Variants in FNTB observed in about 807,000 individuals in gnomAD.
The protein encoded by FNTB is protein farnesyltransferase subunit beta.
A neutral mutation model predicts 59.4 loss-of-function variants in FNTB; 27 were observed. The ratio of observed to expected loss-of-function variants is 0.45; its 90% confidence interval spans 0.34 to 0.63. FNTB has a LOEUF of 0.63. Ranked by LOEUF, FNTB falls within the 20% of genes least tolerant of loss-of-function variation. The pLI, the probability that FNTB is intolerant of heterozygous loss-of-function variation, is 0.02. For synonymous variants in FNTB, 230 were observed against 220.7 expected, an observed-to-expected ratio of 1.04 and a Z score of -0.37; for missense variants, 449 against 559.6, an observed-to-expected ratio of 0.80 and a Z score of 1.99.
chr14:65,002,453 A>G (rs1246782346), intron 1 of FNTB, among the ~76,000 whole-genome samples: 1 of 152,054 alleles, frequency 6.6e-6, no homozygotes, highest in Non-Finnish European at 1.5e-5. Flanking sequence ...TACTAAAACT[A>G]CAAAAATTAG....
chr14:65,012,780 TC>T lies in FNTB; in HGVS notation c.282+392del, dbSNP rs2061704548. 6.6e-6 allele frequency among the ~76,000 whole-genome samples: 1 copy of T among 152,244 alleles called. No individual in the cohort carries two copies. The highest frequency in any genetic ancestry group is 2.1e-4 in the South Asian group (1 of 4,828). The stretch of plus-strand genomic sequence containing the variant: ...AGGACTATTGTCCAAACCTGTTAAG[TC>T]TGTATCGTGATGGTTACAAATTTTC... On this transcript the variant is annotated intron_variant, in intron 3 of 11. Coordinates refer to ENST00000246166, the MANE Select transcript of FNTB (RefSeq NM_002028.4). This position sits in a 1 kb window ranked among gnomAD's most constrained non-coding sequence, Gnocchi z 5.0.
In FNTB at chr14:65,014,100, C is replaced by T. The variant is rs544762292; in HGVS notation, c.283-1525C>T. Among the ~76,000 whole-genome samples the T allele has an allele frequency of 7.2e-5, 11 of 152,246 alleles. No homozygotes were observed. Among genetic ancestry groups the T allele is most frequent in the Middle Eastern group, 3.4e-3 (1 of 294 alleles). On this transcript the variant is annotated intron_variant, in intron 3 of 11. Coordinates refer to ENST00000246166, the MANE Select transcript of FNTB (RefSeq NM_002028.4). The surrounding 1 kb of genome is among the most constrained non-coding windows in gnomAD (Gnocchi z 5.1). ...TTTTGAAGAGAGCAGCTTGGGCCAACGGAAAGAACACTGGATTGACTCTAA... is the reference window on the plus strand; with the variant it reads ...TTTTGAAGAGAGCAGCTTGGGCCAATGGAAAGAACACTGGATTGACTCTAA...
chr14:64,987,822 GTA>G (rs1263407099), intron 1 of FNTB, among the ~76,000 whole-genome samples: 8 of 152,324 alleles, frequency 5.3e-5, no homozygotes, highest in African/African-American at 1.7e-4. Flanking sequence ...TGGCGAATGA[GTA>G]TATATTCATA....
At chr14:65,060,697 C>CAAAAAAAAAAA (rs59036615) in intron 11 of FNTB, among the ~76,000 whole-genome samples, 3 of 48,600 alleles carry the variant, frequency 6.2e-5, no homozygotes, top group East Asian at 5.1e-4. Flanking sequence ...GACTCCGTCT[C>CAAAAAAAAAAA]AAAAAAAAAA....
chr14:64,992,297 TATA>T (rs1239690854), intron 1 of FNTB, among the ~76,000 whole-genome samples: 1 of 152,202 alleles, frequency 6.6e-6, no homozygotes, highest in East Asian at 1.9e-4. Flanking sequence ...TACTTTTAGG[TATA>T]TAAGTGAAAA....
chr14:65,040,259 G>GTATATATATGTATATATATGTGTGTATA (rs1281038446), intron 7 of FNTB, among the ~76,000 whole-genome samples: 3 of 144,986 alleles, frequency 2.1e-5, no homozygotes, highest in Non-Finnish European at 3.0e-5. Flanking sequence ...ATATATATAT[G>GTATATATATGTATATATATGTGTGTATA]TATATATATG....
At chr14:65,006,039 A>C in intron 2 of FNTB, 1 of 1,220,352 alleles carries the variant, frequency 8.2e-7, no homozygotes, top group Non-Finnish European at 1.1e-6. Context: ...CTCCTTCATC[A>C]TGTCTCTTGA....
In FNTB at chr14:65,062,551, G is replaced by A. The variant is rs980959559; in HGVS notation, c.*1239G>A. 6.5e-6 allele frequency: 1 copy of A among 152,678 alleles called. No homozygotes were observed. Among genetic ancestry groups the A allele is most frequent in the African/African-American group, 2.4e-5 (1 of 41,462 alleles). The allele number at this position is 152,678 out of a possible 1,614,324, so 9.5% of individuals were successfully genotyped here. A position where few individuals can be genotyped will look rare whatever the true frequency, so the allele number is the denominator to read the frequency against. On this transcript the variant is annotated 3_prime_UTR_variant, in exon 12 of 12. Coordinates refer to ENST00000246166, the MANE Select transcript of FNTB (RefSeq NM_002028.4). This position sits in a 1 kb window ranked among gnomAD's most constrained non-coding sequence, Gnocchi z 4.3. Reference sequence around the variant, plus strand: ...GGAGCTCAGAGATGCAGCATGAGGCGCTTAGAAAAACCTGGCCATTTGCTG... The same window carrying A: ...GGAGCTCAGAGATGCAGCATGAGGCACTTAGAAAAACCTGGCCATTTGCTG...
intron 1 of FNTB, among the ~76,000 whole-genome samples, chr14:64,989,016 A>G (rs1338392127): frequency 1.3e-5 from 2 of 152,148 alleles, no homozygotes; most frequent in Admixed American, 6.5e-5. Context: ...TTAGAGACCT[A>G]CCACATTGGT....
intron 4 of FNTB, among the ~76,000 whole-genome samples, chr14:65,026,141 T>C (rs911480297): frequency 1.3e-5 from 2 of 152,200 alleles, no homozygotes; most frequent in Non-Finnish European, 2.9e-5. Context: ...GAAGGCCCCA[T>C]GAACACTGCA....
In FNTB at chr14:65,027,693, C is replaced by T. The variant is rs757771995; in HGVS notation, c.522-5C>T. On this transcript the variant is annotated splice_region_variant and splice_polypyrimidine_tract_variant and intron_variant, in intron 5 of 11. Transcript: ENST00000246166. The surrounding 1 kb of genome is among the most constrained non-coding windows in gnomAD (Gnocchi z 5.7). ...GCCTCTCCTACCTCTTTCCCTGTTT[C>T]TCAGAGAGAAGCTTCTTCAGTATTT... is the stretch of plus-strand genomic sequence containing the variant. The T allele has an allele frequency of 5.0e-6, 8 of 1,614,104 alleles. No individual in the cohort carries two copies.
chr14:65,024,519 G>A (rs1050203435), intron 4 of FNTB, among the ~76,000 whole-genome samples: 1 of 152,150 alleles, frequency 6.6e-6, no homozygotes, highest in Admixed American at 6.6e-5. Flanking sequence ...ACACATTTTG[G>A]GTTTGAAGAT....
Position 65,012,334 on chromosome 14 carries a change from A to C in FNTB, c.227A>C (p.Glu76Ala). 1 of 1,614,120 alleles carries C rather than the reference A, an allele frequency of 6.2e-7. No homozygotes were observed. The highest frequency in any genetic ancestry group is 1.1e-5 in the South Asian group (1 of 91,082). ...CTTTCCAGGCTTGTTTTGCAGAGGG[A>C]GAAGCACTTCCATTATCTGAAAAGA... ...HLVPRLVLQR[E>A]KHFHYLKRGL... The change falls in exon 3 of 12, where the codon GAG becomes GCG. Residue 76 changes from glutamate (E) to alanine (A), a missense_variant. Physicochemically the swap from Glu to Ala is moderately radical, Grantham distance 107 (BLOSUM62 -1). Coordinates refer to ENST00000246166, the MANE Select transcript of FNTB (RefSeq NM_002028.4). This position sits in a 1 kb window ranked among gnomAD's most constrained non-coding sequence, Gnocchi z 5.0.
At chr14:65,013,270 C>T (rs763074097) in intron 3 of FNTB, among the ~76,000 whole-genome samples, 16 of 152,028 alleles carry the variant, frequency 1.1e-4, no homozygotes, top group Non-Finnish European at 2.1e-4. Context: ...TTCTTTCCTG[C>T]CCATTACTGC....
At chr14:65,045,136 A>G (rs902925916) in intron 9 of FNTB, among the ~76,000 whole-genome samples, 1 of 151,978 alleles carries the variant, frequency 6.6e-6, no homozygotes, top group African/African-American at 2.4e-5. Context: ...TTCTCTCTCT[A>G]TCTCTTGAAA....
In FNTB at chr14:64,999,613, G is replaced by A. The variant is rs139564295; in HGVS notation, c.145-4636G>A. ...ATTGATTTGTGCAGTTTAAATGAGT[G>A]AGTTGAATGGTATATGAATTATATC... On this transcript the variant is annotated intron_variant, in intron 1 of 11. Coordinates refer to ENST00000246166, the MANE Select transcript of FNTB (RefSeq NM_002028.4). Among the ~76,000 whole-genome samples the A allele has an allele frequency of 5.3e-5, 8 of 152,202 alleles. No homozygotes were observed. In the East Asian group the frequency reaches 1.5e-3, roughly 29 times the overall value.
At chr14:65,045,395 GCCCCCCAC>G (rs2062453079) in intron 9 of FNTB, among the ~76,000 whole-genome samples, 1 of 135,624 alleles carries the variant, frequency 7.4e-6, no homozygotes, top group Admixed American at 7.5e-5. Context: ...CTGTTTCTGA[GCCCCCCAC>G]CCCCCGTCTT....
chr14:64,987,197 C>T (rs1378166723), intron 1 of FNTB, 100 bp downstream of exon 1: 1 of 1,385,870 alleles, frequency 7.2e-7, no homozygotes, highest in Non-Finnish European at 1.0e-6. Flanking sequence ...CGGGGAACTA[C>T]GACTCCCACA....
At position 65,012,086 on chromosome 14, in the gene FNTB, T is replaced by C. The variant is rs980906688; in HGVS notation, c.210-231T>C. ...CTGCCTTTAGGAGACAATCGCACTCTAAATGTCAGCTGGCATGGTTTTCAG... is the reference window on the plus strand; with the variant it reads ...CTGCCTTTAGGAGACAATCGCACTCCAAATGTCAGCTGGCATGGTTTTCAG... On this transcript the variant is annotated intron_variant, in intron 2 of 11. Transcript: ENST00000246166. This position sits in a 1 kb window ranked among gnomAD's most constrained non-coding sequence, Gnocchi z 5.0. 4.0e-5 allele frequency: 20 copies of C among 497,948 alleles called. No individual in the cohort carries two copies. Among genetic ancestry groups the C allele is most frequent in the Non-Finnish European group, 4.0e-5 (11 of 274,626 alleles). 30.8% of individuals were successfully genotyped at this position (497,948 alleles called of 1,614,324 possible).
Sources: gnomAD v4.1 joint callset for allele counts (sites outside exome capture counted in the v4.1 genomes callset) on GRCh38, gnomAD v4.1.1 for gene constraint, Gnocchi (gnomAD v3.1) non-coding constraint, MANE v1.5 for transcripts, NCBI Gene and HGNC (gene_info 2026-07-23, HGNC 2026-07-21) for gene names.